Variants in CDH8 observed in about 807,000 individuals in gnomAD.
The protein encoded by CDH8 is cadherin 8, also known as cadherin-8.
CDH8 carries 17 observed loss-of-function variants against 68.1 expected under a neutral mutation model. The ratio of observed to expected loss-of-function variants is 0.25; its 90% CI spans 0.17 to 0.37. CDH8 has a LOEUF of 0.37. CDH8 is among the 10% of genes least tolerant of loss of function. CDH8 has a pLI of 1.00. For missense variants in CDH8, 763 were observed against 999.3 expected, an observed-to-expected ratio of 0.76 and a Z score of 3.19; for synonymous variants, 372 against 365.1, an observed-to-expected ratio of 1.02 and a Z score of -0.21.
chr16:61,773,419 G>C (rs892395089), intron 8 of CDH8, among the ~76,000 whole-genome samples: 1 of 152,086 alleles, frequency 6.6e-6, no homozygotes, highest in Non-Finnish European at 1.5e-5. Flanking sequence ...ATGCACAGTT[G>C]GTGCAAATGG....
At chr16:61,853,925 TA>T (rs1227211952) in intron 4 of CDH8, among the ~76,000 whole-genome samples, 2 of 152,016 alleles carry the variant, frequency 1.3e-5, no homozygotes, top group Non-Finnish European at 2.9e-5. Flanking sequence ...TCTATAGAAT[TA>T]AAAGTTGTTT....
chr16:61,993,809 C>T (rs567077633), intron 2 of CDH8, among the ~76,000 whole-genome samples: 1 of 151,974 alleles, frequency 6.6e-6, no homozygotes, highest in Non-Finnish European at 1.5e-5. Context: ...CTTCTGTGTA[C>T]ACAAATAAAA....
chr16:61,978,647 A>G (rs1277004628), intron 2 of CDH8, among the ~76,000 whole-genome samples: 1 of 152,132 alleles, frequency 6.6e-6, no homozygotes, highest in Admixed American at 6.5e-5. Flanking sequence ...CCCACTTGAC[A>G]TATGAGAAAA....
chr16:61,913,483 A>G (rs1964191092), intron 2 of CDH8, among the ~76,000 whole-genome samples: 1 of 152,166 alleles, frequency 6.6e-6, no homozygotes, highest in African/African-American at 2.4e-5. Context: ...GACTCCTGGA[A>G]CCAACCTCTC....
Position 61,992,786 on chromosome 16 carries a change from T to C in CDH8, c.252+28366A>G, listed in dbSNP as rs190374595. ...GGTGTCGAACACGGACATTTTTTCT[T>C]CTTTTTTGCTTTTTACCTTTGAGAC... is the stretch of plus-strand genomic sequence containing the variant. On this transcript the variant is annotated intron_variant, in intron 2 of 11. Coordinates refer to ENST00000577390, the MANE Select transcript of CDH8 (RefSeq NM_001796.5). Among the ~76,000 whole-genome samples, 693 of 152,310 alleles carry C rather than the reference T, an allele frequency of 4.5e-3. 3 individuals are homozygous for C. The highest frequency in any genetic ancestry group is 7.1e-3 in the Non-Finnish European group (485 of 68,024).
At chr16:61,983,041 G>A (rs1965565370) in intron 2 of CDH8, among the ~76,000 whole-genome samples, 1 of 151,974 alleles carries the variant, frequency 6.6e-6, no homozygotes, top group Non-Finnish European at 1.5e-5. Context: ...ACTAAAAAGA[G>A]CATTCATAAA....
intron 8 of CDH8, among the ~76,000 whole-genome samples, chr16:61,773,290 T>A (rs1309818692): frequency 6.6e-6 from 1 of 152,090 alleles, no homozygotes; most frequent in Non-Finnish European, 1.5e-5. Flanking sequence ...CCACACTACA[T>A]ACATGATTTT....
chr16:61,852,516 A>AT (rs1330065968), intron 4 of CDH8, among the ~76,000 whole-genome samples: 1 of 152,038 alleles, frequency 6.6e-6, no homozygotes, highest in Non-Finnish European at 1.5e-5. Flanking sequence ...TCTCAAGGCT[A>AT]TTTTTGCAAA....
chr16:61,696,213 T>G (rs1445512579), intron 10 of CDH8, among the ~76,000 whole-genome samples: 1 of 152,196 alleles, frequency 6.6e-6, no homozygotes, highest in Non-Finnish European at 1.5e-5. Context: ...GACTTACTCT[T>G]TATTTTCACA....
At chr16:61,706,137 C>T (rs1964525268) in intron 10 of CDH8, among the ~76,000 whole-genome samples, 2 of 152,152 alleles carry the variant, frequency 1.3e-5, no homozygotes, top group African/African-American at 4.8e-5. Flanking sequence ...TAGCAGTTAC[C>T]ACCCTGTCCT....
At chr16:61,770,669 G>C (rs144839631) in intron 8 of CDH8, among the ~76,000 whole-genome samples, 64 of 152,050 alleles carry the variant, frequency 4.2e-4, no homozygotes, top group African/African-American at 1.5e-3. Context: ...CCACATGGTA[G>C]TATCTGGATT....
intron 3 of CDH8, among the ~76,000 whole-genome samples, chr16:61,870,631 A>G (rs1245664579): frequency 6.6e-6 from 1 of 152,178 alleles, no homozygotes; most frequent in Non-Finnish European, 1.5e-5. Context: ...ATTACTGTAA[A>G]CCAAAAATAT....
At chr16:61,713,268 G>T (rs1436416182) in intron 10 of CDH8, among the ~76,000 whole-genome samples, 1 of 151,616 alleles carries the variant, frequency 6.6e-6, no homozygotes, top group Admixed American at 6.6e-5. Flanking sequence ...TAATGAAATG[G>T]ATTAAATGTG....
At chr16:61,801,093 G>C (rs1191791119) in intron 7 of CDH8, among the ~76,000 whole-genome samples, 1 of 151,720 alleles carries the variant, frequency 6.6e-6, no homozygotes, top group Non-Finnish European at 1.5e-5. Context: ...GAATACAGAA[G>C]CTTCACCAAT....
In CDH8 at chr16:61,653,509, T is replaced by G. The variant is rs2142734545; in HGVS notation, c.*99A>C. The G allele has an allele frequency of 6.6e-7, 1 of 1,507,782 alleles. No homozygotes were observed. The highest frequency in any genetic ancestry group is 1.8e-4 in the Middle Eastern group (1 of 5,422). The allele number at this position is 1,507,782 out of a possible 1,614,324, so 93.4% of individuals were successfully genotyped here. The stretch of plus-strand genomic sequence containing the variant: ...AGTTTATAGATGACTGGTGCTAAAC[T>G]TGCCTCTAAAACAAATAGCCACATT... On this transcript the variant is annotated 3_prime_UTR_variant, in exon 12 of 12. Coordinates refer to ENST00000577390, the MANE Select transcript of CDH8 (RefSeq NM_001796.5).
intron 7 of CDH8, among the ~76,000 whole-genome samples, chr16:61,804,717 A>G (rs1402739638): frequency 1.3e-5 from 2 of 149,300 alleles, no homozygotes; most frequent in Non-Finnish European, 3.0e-5. Context: ...TAGAAAATCT[A>G]GAAGAAATGG....
At chr16:62,004,540 ACAAAAAAAG>A (rs1208469615) in intron 2 of CDH8, among the ~76,000 whole-genome samples, 3 of 152,196 alleles carry the variant, frequency 2.0e-5, no homozygotes, top group Non-Finnish European at 4.4e-5. Context: ...GGTTATAACA[ACAAAAAAAG>A]GTAGAAGCTG....
At chr16:61,736,117 AAGGAAGGAAGG>A (rs1567446510) in intron 8 of CDH8, among the ~76,000 whole-genome samples, 369 of 144,770 alleles carry the variant, frequency 2.5e-3, no homozygotes, top group Non-Finnish European at 3.6e-3. Context: ...GAAAGAAAGG[AAGGAAGGAAGG>A]AAGGAAGGAA....
intron 2 of CDH8, chr16:61,940,614 G>A (rs991780746): frequency 2.0e-5 from 3 of 152,264 alleles, no homozygotes; most frequent in Non-Finnish European, 4.4e-5. Context: ...TGTTGGCCAG[G>A]ACGGTCCCAA....
Sources: allele counts gnomAD v4.1 joint callset (sites outside exome capture counted in the v4.1 genomes callset), GRCh38; gene constraint gnomAD v4.1.1; transcripts MANE v1.5; gene names NCBI Gene and HGNC (gene_info 2026-07-23, HGNC 2026-07-21).